The following CTNNA2 variants were observed in gnomAD, a reference collection of about 807,000 sequenced individuals.
CTNNA2 encodes the protein catenin alpha 2.
In CTNNA2, 42 loss-of-function variants were observed where a neutral mutation model predicts 101.0. The observed-to-expected ratio is 0.42, with a 90% CI of 0.32 to 0.54. The LOEUF is 0.54. CTNNA2 is among the 20% of genes least tolerant of loss of function. The pLI is 0.14. For synonymous variants in CTNNA2, 450 were observed against 456.4 expected, an observed-to-expected ratio of 0.99 and a Z score of 0.18; for missense variants, 871 against 1,223.1, an observed-to-expected ratio of 0.71 and a Z score of 4.29.
At chr2:79,475,531 A>G (rs1454839212) in intron 4 of CTNNA2, among the ~76,000 whole-genome samples, 1 of 152,204 alleles carries the variant, frequency 6.6e-6, no homozygotes, top group Non-Finnish European at 1.5e-5. Flanking sequence ...AATATGAACC[A>G]TCCAAAGAGA....
At position 79,804,961 on chromosome 2, in the gene CTNNA2, C is replaced by T. The variant is rs140033283; in HGVS notation, c.299-53052C>T. Among the ~76,000 whole-genome samples, 300 of 152,198 alleles carry T rather than the reference C, an allele frequency of 2.0e-3. 1 individual carries two copies. Among genetic ancestry groups the T allele is most frequent in the African/African-American group, 7.0e-3 (289 of 41,520 alleles). ...AGTCTTGAAGAAGAGCAAGAATGAG[C>T]TGGGCCAAATGGGAAGGAGGGGAGC... On this transcript the variant is annotated intron_variant, in intron 3 of 18. Coordinates refer to ENST00000402739, the MANE Select transcript of CTNNA2 (RefSeq NM_001282597.3).
intron 7 of CTNNA2, among the ~76,000 whole-genome samples, chr2:80,108,587 T>G (rs1701025105): frequency 6.6e-6 from 1 of 152,184 alleles, no homozygotes; most frequent in Non-Finnish European, 1.5e-5. Flanking sequence ...TTCATCAGAT[T>G]TTACTAATGC....
At chr2:79,595,173 G>A (rs970080088) in intron 1 of CTNNA2, among the ~76,000 whole-genome samples, 3 of 152,142 alleles carry the variant, frequency 2.0e-5, no homozygotes, top group South Asian at 2.1e-4. Context: ...ACTCTCACCC[G>A]GTTCTGCACT....
intron 7 of CTNNA2, among the ~76,000 whole-genome samples, chr2:80,048,578 C>A (rs939055774): frequency 9.9e-5 from 15 of 152,122 alleles, no homozygotes; most frequent in African/African-American, 3.4e-4. Flanking sequence ...TCTTGTATAG[C>A]AAATATATGA....
At chr2:79,350,705 A>T (rs11678470) in intron 3 of CTNNA2, among the ~76,000 whole-genome samples, 12,948 of 152,184 alleles carry the variant, frequency 0.085, 894 homozygotes, top group East Asian at 0.34. Context: ...CCTTTGAGAA[A>T]TCTCCATACT....
intron 2 of CTNNA2, among the ~76,000 whole-genome samples, chr2:79,674,350 C>T (rs1453666777): frequency 6.6e-6 from 1 of 152,028 alleles, no homozygotes; most frequent in East Asian, 1.9e-4. Flanking sequence ...TGTTACAGAC[C>T]CCTGTCATCT....
chr2:80,079,628 A>T (rs1021163466), intron 7 of CTNNA2, among the ~76,000 whole-genome samples: 1 of 151,848 alleles, frequency 6.6e-6, no homozygotes, highest in East Asian at 1.9e-4. Flanking sequence ...CCTGGCTAAC[A>T]CGGTGAAACC....
At position 79,353,450 on chromosome 2, in the gene CTNNA2, T is replaced by C. The variant is rs186844423; in HGVS notation, c.-317-20381T>C. 1.8e-3 allele frequency among the ~76,000 whole-genome samples: 268 copies of C among 152,254 alleles called. 3 individuals are homozygous for C. Among genetic ancestry groups the C allele is most frequent in the African/African-American group, 5.3e-3 (220 of 41,554 alleles). ...AGTACGTACTGTGTGCAGGAGAGAA[T>C]TGTTTTTTGTTTAAAGTCTGTTTTA... is the stretch of plus-strand genomic sequence containing the variant. On this transcript the variant is annotated intron_variant, in intron 3 of 21. Transcript: ENST00000466387.
intron 7 of CTNNA2, among the ~76,000 whole-genome samples, chr2:80,269,371 C>T (rs750454183): frequency 1.3e-5 from 2 of 152,194 alleles, no homozygotes; most frequent in Non-Finnish European, 2.9e-5. Context: ...GTGTTTGCTT[C>T]GCCTTCCACC....
intron 7 of CTNNA2, among the ~76,000 whole-genome samples, chr2:80,391,351 G>T (rs1677497064): frequency 6.6e-6 from 1 of 152,040 alleles, no homozygotes; most frequent in South Asian, 2.1e-4. Context: ...CCAGAGTCTG[G>T]CATTTACATT....
intron 2 of CTNNA2, among the ~76,000 whole-genome samples, chr2:79,736,049 CCTATTGTAGTAGTTT>C (rs1311180465): frequency 1.3e-5 from 2 of 152,030 alleles, no homozygotes; most frequent in Non-Finnish European, 2.9e-5. Flanking sequence ...AACAAGAGAT[CCTATTGTAGTAGTTT>C]CTATTGTAGT....
chr2:79,402,285 A>T (rs2104481898), intron 4 of CTNNA2, among the ~76,000 whole-genome samples: 1 of 151,854 alleles, frequency 6.6e-6, no homozygotes, highest in South Asian at 2.1e-4. Flanking sequence ...AAAGTTGAAC[A>T]ACATTATAAA....
intron 7 of CTNNA2, chr2:80,162,629 G>A (rs1704400878): frequency 1.9e-6 from 3 of 1,611,676 alleles, no homozygotes; most frequent in Non-Finnish European, 2.5e-6. Flanking sequence ...CTGCTAGGTA[G>A]GGATGAGAAT....
chr2:79,198,797 T>C (rs1339849209), intron 2 of CTNNA2, among the ~76,000 whole-genome samples: 2 of 132,180 alleles, frequency 1.5e-5, no homozygotes, highest in South Asian at 2.2e-4. Context: ...TATAAATTTA[T>C]AGTTTTCCGG....
chr2:79,896,878 A>G (rs1477817625), intron 6 of CTNNA2, among the ~76,000 whole-genome samples: 3 of 152,158 alleles, frequency 2.0e-5, no homozygotes, highest in Non-Finnish European at 2.9e-5. Flanking sequence ...AATTAATAAC[A>G]CGGTTACACA....
chr2:80,384,290 G>T (rs577328260), intron 7 of CTNNA2, among the ~76,000 whole-genome samples: 2 of 151,886 alleles, frequency 1.3e-5, no homozygotes, highest in Non-Finnish European at 2.9e-5. Context: ...GCACTGTTTG[G>T]CACACTACCT....
intron 12 of CTNNA2, among the ~76,000 whole-genome samples, chr2:80,561,321 G>C (rs886573864): frequency 6.6e-6 from 1 of 152,182 alleles, no homozygotes; most frequent in African/African-American, 2.4e-5. Flanking sequence ...ATCCAGTAAA[G>C]AGCCCTTAAA....
At chr2:79,743,812 G>C (rs1671462778) in intron 2 of CTNNA2, among the ~76,000 whole-genome samples, 1 of 152,152 alleles carries the variant, frequency 6.6e-6, no homozygotes, top group Non-Finnish European at 1.5e-5. Flanking sequence ...GGGATTACAG[G>C]TGTGAGCCAC....
intron 2 of CTNNA2, among the ~76,000 whole-genome samples, chr2:79,304,087 G>A (rs558858395): frequency 6.6e-6 from 1 of 152,228 alleles, no homozygotes; most frequent in South Asian, 2.1e-4. Context: ...AGGTCAAGTA[G>A]CATGTATCTA....
Sources: allele counts gnomAD v4.1 joint callset (sites outside exome capture counted in the v4.1 genomes callset), GRCh38; gene constraint gnomAD v4.1.1; transcripts MANE v1.5; gene names NCBI Gene and HGNC (gene_info 2026-07-23, HGNC 2026-07-21).